Variants in AGBL1 observed in about 807,000 individuals in gnomAD.
AGBL1 encodes the protein AGBL carboxypeptidase 1, also known as cytosolic carboxypeptidase 4.
AGBL1 carries 130 observed loss-of-function variants against 118.9 expected under a neutral mutation model. The observed-to-expected ratio is 1.09, with a 90% CI of 0.95 to 1.26. The LOEUF (loss-of-function observed/expected upper bound fraction) is 1.26. Ranked by LOEUF, AGBL1 falls within the 50% of genes most tolerant of loss-of-function variation. The pLI is 0.00. For synonymous variants in AGBL1, 555 were observed against 478.9 expected (o/e 1.16, Z -2.08); for missense variants, 1,584 against 1,298.1 (o/e 1.22, Z -3.38).
intron 23 of AGBL1, among the ~76,000 whole-genome samples, chr15:86,967,422 AT>A (rs1463466198): frequency 6.6e-6 from 1 of 152,016 alleles, no homozygotes; most frequent in Non-Finnish European, 1.5e-5. Flanking sequence ...CCTGAATGGT[AT>A]TGCCTAGGTT....
At chr15:86,625,379 G>GTTTTTTTTTTTTTTTT (rs1199638580) in intron 21 of AGBL1, among the ~76,000 whole-genome samples, 2 of 59,444 alleles carry the variant, frequency 3.4e-5, no homozygotes, top group African/African-American at 9.0e-5. Context: ...TTTTTTTTTT[G>GTTTTTTTTTTTTTTTT]TTTTTGTTTT....
At chr15:86,409,477 C>A (rs1304012499) in intron 18 of AGBL1, among the ~76,000 whole-genome samples, 3 of 152,132 alleles carry the variant, frequency 2.0e-5, no homozygotes, top group Non-Finnish European at 4.4e-5. Context: ...CCATCGCCTG[C>A]ATACACAGAA....
chr15:86,580,688 A>G (rs1257298619), intron 21 of AGBL1, among the ~76,000 whole-genome samples: 1 of 152,102 alleles, frequency 6.6e-6, no homozygotes, highest in Non-Finnish European at 1.5e-5. Flanking sequence ...CACCCCAAAC[A>G]TTTATCATTT....
At chr15:86,629,210 T>C (rs1364833629) in intron 21 of AGBL1, among the ~76,000 whole-genome samples, 1 of 152,072 alleles carries the variant, frequency 6.6e-6, no homozygotes, top group Non-Finnish European at 1.5e-5. Context: ...TACATTCCAA[T>C]AAACATTTTT....
intron 23 of AGBL1, among the ~76,000 whole-genome samples, chr15:86,977,114 G>A (rs1034742936): frequency 3.3e-5 from 5 of 151,778 alleles, no homozygotes; most frequent in Non-Finnish European, 5.9e-5. Flanking sequence ...CTTATATAAA[G>A]ATTTCATATT....
intron 21 of AGBL1, among the ~76,000 whole-genome samples, chr15:86,647,373 CAG>C (rs2085298733): frequency 6.6e-6 from 1 of 152,152 alleles, no homozygotes; most frequent in Non-Finnish European, 1.5e-5. Flanking sequence ...ATGAACAAAA[CAG>C]AAATCCTTGT....
intron 18 of AGBL1, among the ~76,000 whole-genome samples, chr15:86,507,417 A>G (rs186239393): frequency 3.9e-5 from 6 of 152,246 alleles, no homozygotes; most frequent in Middle Eastern, 3.4e-3. Flanking sequence ...GGTGATTTCT[A>G]TGTGTCACGA....
At chr15:86,972,507 C>A (rs947138994) in intron 23 of AGBL1, among the ~76,000 whole-genome samples, 1 of 151,966 alleles carries the variant, frequency 6.6e-6, no homozygotes, top group African/African-American at 2.4e-5. Flanking sequence ...AAATTTATAA[C>A]TTCTGATTTG....
At chr15:86,176,038 T>G (rs565483581) in intron 5 of AGBL1, among the ~76,000 whole-genome samples, 1 of 152,374 alleles carries the variant, frequency 6.6e-6, no homozygotes, top group African/African-American at 2.4e-5. Flanking sequence ...GTTTTTTTGC[T>G]GATTTTCTGT....
intron 17 of AGBL1, among the ~76,000 whole-genome samples, chr15:86,361,875 C>G (rs553653095): frequency 1.3e-5 from 2 of 152,200 alleles, no homozygotes; most frequent in South Asian, 4.1e-4. Context: ...CATATTGTTG[C>G]ATCTTTTTAA....
intron 22 of AGBL1, among the ~76,000 whole-genome samples, chr15:86,824,401 G>A (rs1449765146): frequency 1.3e-5 from 2 of 152,026 alleles, no homozygotes; most frequent in Non-Finnish European, 2.9e-5. Flanking sequence ...AGAATGGTAT[G>A]ATTACAATTA....
intron 18 of AGBL1, among the ~76,000 whole-genome samples, chr15:86,516,789 A>T (rs2083126690): frequency 9.0e-6 from 1 of 111,378 alleles, no homozygotes; most frequent in Non-Finnish European, 1.9e-5. Context: ...GTGAAACTCC[A>T]TCTCAAAAAA....
chr15:86,882,627 T>G (rs940637009), intron 22 of AGBL1, among the ~76,000 whole-genome samples: 2 of 152,232 alleles, frequency 1.3e-5, no homozygotes, highest in African/African-American at 4.8e-5. Flanking sequence ...AAATGGTCTG[T>G]AGGGTTATTT....
intron 24 of AGBL1, among the ~76,000 whole-genome samples, chr15:87,025,037 A>G (rs887802551): frequency 3.3e-5 from 5 of 152,066 alleles, no homozygotes; most frequent in Non-Finnish European, 7.4e-5. Context: ...TGAATGGGGA[A>G]AAGTTGAAAG....
intron 22 of AGBL1, among the ~76,000 whole-genome samples, chr15:86,904,681 TTTA>T (rs1433771181): frequency 2.0e-5 from 3 of 149,310 alleles, no homozygotes; most frequent in Admixed American, 2.0e-4. Flanking sequence ...TTACATGTAT[TTTA>T]TTATATATAA....
At chr15:86,194,110 A>G (rs887483661) in intron 5 of AGBL1, among the ~76,000 whole-genome samples, 8 of 151,644 alleles carry the variant, frequency 5.3e-5, no homozygotes, top group Non-Finnish European at 8.8e-5. Flanking sequence ...TGTTGGAACG[A>G]CTCATTTTGT....
At chr15:87,006,185 G>C (rs907338833) in intron 24 of AGBL1, among the ~76,000 whole-genome samples, 1 of 152,186 alleles carries the variant, frequency 6.6e-6, no homozygotes, top group African/African-American at 2.4e-5. Flanking sequence ...TAGATCTCCA[G>C]CTGCATGCTG....
intron 5 of AGBL1, among the ~76,000 whole-genome samples, chr15:86,222,840 C>G (rs562521956): frequency 1.3e-5 from 2 of 152,146 alleles, no homozygotes; most frequent in Non-Finnish European, 2.9e-5. Flanking sequence ...ATCTGGGAGT[C>G]ACCTTGAATT....
intron 3 of AGBL1, among the ~76,000 whole-genome samples, chr15:86,147,150 G>A (rs143171647): frequency 2.6e-4 from 39 of 152,334 alleles, no homozygotes; most frequent in African/African-American, 9.1e-4. Flanking sequence ...GGCATTCCAA[G>A]ATGGCCCAAT....
Sources: allele counts gnomAD v4.1 joint callset (sites outside exome capture counted in the v4.1 genomes callset), GRCh38; gene constraint gnomAD v4.1.1; transcripts MANE v1.5; gene names NCBI Gene and HGNC (gene_info 2026-07-23, HGNC 2026-07-21).